TBC1D20: variants seen among roughly 807,000 people sequenced by gnomAD.
TBC1D20 encodes the protein chromosome 20 open reading frame 140.
In TBC1D20, 12 loss-of-function variants were observed where a neutral mutation model predicts 41.6. The observed-to-expected ratio is 0.29, with a 90% CI of 0.18 to 0.47. TBC1D20 has a LOEUF of 0.47. Ranked by LOEUF, TBC1D20 falls within the 20% of genes least tolerant of loss-of-function variation. TBC1D20 has a pLI of 1.00. For missense variants in TBC1D20, 421 were observed against 517.4 expected (o/e 0.81, Z 1.81); for synonymous variants, 205 against 204.8 (o/e 1.00, Z -0.01).
In TBC1D20 at chr20:439,176, T is replaced by C. The variant is rs138673099; in HGVS notation, c.888A>G (p.Gly296=). 9.3e-6 allele frequency: 15 copies of C among 1,614,088 alleles called. No homozygotes were observed. The highest frequency in any genetic ancestry group is 1.1e-5 in the Non-Finnish European group (13 of 1,180,042). Residue 296 remains glycine, a synonymous_variant, in exon 7 of 8, where the codon GGA becomes GGG. Transcript: ENST00000354200. The surrounding 1 kb of genome is among the most constrained non-coding windows in gnomAD (Gnocchi z 4.6). ...LPYETLISRA[G]DLFVQFPPSE... is the part of the protein sequence containing the mutation. ...ATGGGGGAAACTGAACAAAAAGGTC[T>C]CCTGCTCTGCTGATCAGTGTCTCAT...
chr20:460,465 A>C (rs1029662083), intron 1 of TBC1D20, among the ~76,000 whole-genome samples: 2 of 151,452 alleles, frequency 1.3e-5, no homozygotes, highest in African/African-American at 4.9e-5. Context: ...CTTTAACTCC[A>C]CGTCTGTACC....
chr20:449,039 C>T (rs913866097), intron 1 of TBC1D20, among the ~76,000 whole-genome samples: 14 of 150,402 alleles, frequency 9.3e-5, no homozygotes, highest in African/African-American at 3.2e-4. Flanking sequence ...GCAGAGATAG[C>T]GTTCACAACG....
chr20:452,176 G>A (rs939478945), intron 1 of TBC1D20, among the ~76,000 whole-genome samples: 8 of 152,030 alleles, frequency 5.3e-5, no homozygotes, highest in South Asian at 4.1e-4. Context: ...GCCTGGTGGC[G>A]CACGCCTGTA....
At chr20:441,290 T>C (rs2017225050) in intron 5 of TBC1D20, 1 of 315,862 alleles carries the variant, frequency 3.2e-6, no homozygotes. Flanking sequence ...CCCACAGGAC[T>C]TTGTGTTTCT....
chr20:453,387 TTGCTTGAACCTGGGAGGCA>T (rs2017484368), intron 1 of TBC1D20, among the ~76,000 whole-genome samples: 7 of 146,014 alleles, frequency 4.8e-5, no homozygotes, highest in African/African-American at 1.3e-4. Context: ...GGCAGGAGAA[TTGCTTGAACCTGGGAGGCA>T]GAGGTTGCAG....
intron 1 of TBC1D20, among the ~76,000 whole-genome samples, chr20:452,736 C>A (rs1392700149): frequency 6.6e-6 from 1 of 152,196 alleles, no homozygotes; most frequent in Non-Finnish European, 1.5e-5. Flanking sequence ...GAAGGTAGGG[C>A]AGATTTTAGA....
intron 1 of TBC1D20, among the ~76,000 whole-genome samples, chr20:458,477 TA>T (rs2017579082): frequency 6.6e-6 from 1 of 151,974 alleles, no homozygotes; most frequent in Non-Finnish European, 1.5e-5. Context: ...CTGGCCCAGC[TA>T]ATTTTTGCGT....
At chr20:461,021 G>C (rs2017620236) in intron 1 of TBC1D20, among the ~76,000 whole-genome samples, 1 of 151,986 alleles carries the variant, frequency 6.6e-6, no homozygotes, top group African/African-American at 2.4e-5. Flanking sequence ...TTCAGTATCA[G>C]AACATAAGAA....
intron 1 of TBC1D20, among the ~76,000 whole-genome samples, chr20:462,098 G>A (rs1294113933): frequency 6.6e-6 from 1 of 152,200 alleles, no homozygotes; most frequent in African/African-American, 2.4e-5. Flanking sequence ...GCCTGGGGAC[G>A]CGACTCTGCC....
chr20:447,867 C>T, intron 2 of TBC1D20, 22 bp downstream of exon 2: 1 of 1,580,772 alleles, frequency 6.3e-7, no homozygotes, highest in Non-Finnish European at 8.6e-7. Context: ...GCTCCCCTCA[C>T]AGCCTCCCCC....
intron 1 of TBC1D20, among the ~76,000 whole-genome samples, chr20:461,356 T>C (rs1292117628): frequency 5.3e-5 from 8 of 152,232 alleles, no homozygotes; most frequent in Non-Finnish European, 4.4e-5. Context: ...GCGCTTTTTA[T>C]ACAATTATTT....
intron 1 of TBC1D20, among the ~76,000 whole-genome samples, chr20:456,817 C>T (rs921151793): frequency 2.0e-5 from 3 of 152,162 alleles, no homozygotes; most frequent in Middle Eastern, 3.4e-3. Context: ...CTGCCTGCCT[C>T]GGCCTCCCAA....
rs1490820717 is a variant in TBC1D20, at chr20:441,629, G to C, written c.585C>G (p.Ile195Met). 8 of 1,614,156 alleles carry C rather than the reference G, an allele frequency of 5.0e-6. No homozygotes were observed. The highest frequency in any genetic ancestry group is 6.8e-6 in the Non-Finnish European group (8 of 1,180,034). ...TKHILNYLMP[I>M]IDQVNPELHD... The stretch of plus-strand genomic sequence containing the variant: ...GGAGCTCTGGATTCACCTGGTCAAT[G>C]ATGGGCATCAGATAGTTTAATATAT... Residue 195 changes from isoleucine (I) to methionine (M), a missense_variant, in exon 5 of 8, where the codon ATC (isoleucine) becomes ATG (methionine). Ile to Met is a conservative substitution (Grantham distance 10). Around this residue, in one of 3 missense-constraint regions of TBC1D20, gnomAD observed 110 missense variants for 183.5 expected, o/e 0.60. Transcript: ENST00000354200.
At chr20:438,933 A>G in intron 7 of TBC1D20, 92 bp from the exon 8 acceptor site, 1 of 1,525,078 alleles carries the variant, frequency 6.6e-7, no homozygotes, top group Non-Finnish European at 8.9e-7. Context: ...AGAGCCTTTC[A>G]TTGCTGGGAA....
At position 438,108 on chromosome 20, in the gene TBC1D20, T is replaced by G. The variant is rs1293387571; in HGVS notation, c.*478A>C. ...CGATCATGCTCCCAGACGAGTCCTT[T>G]GGCCTCTTGCTCTCCATCCCAAGCC... On this transcript the variant is annotated 3_prime_UTR_variant, in exon 8 of 8. Coordinates refer to ENST00000354200, the MANE Select transcript of TBC1D20 (RefSeq NM_144628.4). 6.3e-6 allele frequency: 1 copy of G among 159,002 alleles called. No homozygotes were observed. The highest frequency in any genetic ancestry group is 1.4e-5 in the Non-Finnish European group (1 of 71,636). The allele number at this position is 159,002 out of a possible 1,614,324, so 9.8% of individuals were successfully genotyped here.
chr20:462,515 C>A lies in TBC1D20; in HGVS notation c.-110G>T. 1 of 586,908 alleles carries A rather than the reference C, an allele frequency of 1.7e-6. No homozygotes were observed. Among genetic ancestry groups the A allele is most frequent in the South Asian group, 7.7e-5 (1 of 12,948 alleles). The allele number at this position is 586,908 out of a possible 1,614,324, so 36.4% of individuals were successfully genotyped here. On this transcript the variant is annotated 5_prime_UTR_variant, in exon 1 of 8. Coordinates refer to ENST00000354200, the MANE Select transcript of TBC1D20 (RefSeq NM_144628.4). ...CCGCTCGGCATCGGCAGGCTCCCCT[C>A]CGTCGGCCAGCGGCGCGCAGGCGCG...
chr20:462,393 T>C lies in TBC1D20; in HGVS notation c.13A>G (p.Ser5Gly). The change falls in exon 1 of 8, where the codon AGT becomes GGT. Residue 5 changes from serine to glycine, a missense_variant. Around this residue, in one of 3 missense-constraint regions of TBC1D20, gnomAD observed 150 missense variants for 151.3 expected, o/e 0.99. Transcript: ENST00000354200. The stretch of plus-strand genomic sequence containing the variant: ...GAGGTGGGGCCGTCGCCCTGCGCAC[T>C]CCGGAGGGCCATGCCCCGGGGCCCC... MALR[S>G]AQGDGPTSGH... 1 of 1,274,766 alleles carries C rather than the reference T, an allele frequency of 7.8e-7. No homozygotes were observed. The highest frequency in any genetic ancestry group is 1.0e-6 in the Non-Finnish European group (1 of 1,001,356). The allele number at this position is 1,274,766 out of a possible 1,614,324, so 79.0% of individuals were successfully genotyped here. A position where few individuals can be genotyped will look rare whatever the true frequency, so the allele number is the denominator to read the frequency against.
intron 3 of TBC1D20, among the ~76,000 whole-genome samples, 179 bp from the exon 4 acceptor site, chr20:442,222 G>A (rs1468010985): frequency 1.3e-5 from 2 of 152,228 alleles, no homozygotes; most frequent in African/African-American, 4.8e-5. Context: ...GCAGCTGCTA[G>A]CTTTCCAGTA....
In TBC1D20 at chr20:439,698, T is replaced by G. The variant is rs1266867539; in HGVS notation, c.769-403A>C. 1.3e-5 allele frequency among the ~76,000 whole-genome samples: 2 copies of G among 152,220 alleles called. No homozygotes were observed. The highest frequency in any genetic ancestry group is 4.8e-5 in the African/African-American group (2 of 41,468). On this transcript the variant is annotated intron_variant, in intron 6 of 7. Coordinates refer to ENST00000354200, the MANE Select transcript of TBC1D20 (RefSeq NM_144628.4). This position sits in a 1 kb window ranked among gnomAD's most constrained non-coding sequence, Gnocchi z 4.6. ...CAGTAGAAAGAACAGTCTTGCTCCC[T>G]TTAAGCATCTTCCTTCTGACTGTTG...
Sources: gnomAD v4.1 joint callset for allele counts (sites outside exome capture counted in the v4.1 genomes callset) on GRCh38, gnomAD v4.1.1 for gene constraint, gnomAD v4.1.1 regional missense constraint, Gnocchi (gnomAD v3.1) non-coding constraint, MANE v1.5 for transcripts, NCBI Gene and HGNC (gene_info 2026-07-23, HGNC 2026-07-21) for gene names.